ACOX3: variants seen among roughly 807,000 people sequenced by gnomAD.
The protein encoded by ACOX3 is peroxisomal acyl-coenzyme A oxidase 3.
Under a neutral mutation model 81.5 loss-of-function variants are expected in ACOX3, and 73 were observed. The ratio of observed to expected loss-of-function variants is 0.90; its 90% confidence interval spans 0.74 to 1.09. The LOEUF is 1.09. ACOX3 is among the 50% of genes least tolerant of loss of function. ACOX3 has a pLI of 0.00. For synonymous variants in ACOX3, 387 were observed against 375.1 expected (o/e 1.03, Z -0.37); for missense variants, 947 against 928.0 (o/e 1.02, Z -0.27).
chr4:8,410,481 C>G (rs1055543331), intron 5 of ACOX3, 126 bp from the exon 6 acceptor site: 2 of 1,287,912 alleles, frequency 1.6e-6, no homozygotes, highest in African/African-American at 1.5e-5. Flanking sequence ...TGAAACTAAT[C>G]GCACATTTTA....
rs1315143065 is a variant in ACOX3 at position 8,368,480 on chromosome 4, C to G, written c.1984-1400G>C. The stretch of plus-strand genomic sequence containing the variant: ...CCCATTTTATTGAGAAGAAACCCCT[C>G]TGCCTGCACCCGCTAAATGCACTTA... On this transcript the variant is annotated intron_variant, in intron 17 of 17. Transcript: ENST00000356406. The surrounding 1 kb of genome is among the most constrained non-coding windows in gnomAD (Gnocchi z 5.9). Among the ~76,000 whole-genome samples, 3 of 152,214 alleles carry G rather than the reference C, an allele frequency of 2.0e-5. No individual in the cohort carries two copies. The highest frequency in any genetic ancestry group is 2.0e-4 in the Admixed American group (3 of 15,292).
rs1160625685 is a variant in ACOX3 at position 8,406,694 on chromosome 4, CAGAG to C, written c.688-655_688-652del. Among the ~76,000 whole-genome samples, 1 of 150,526 alleles carries C rather than the reference CAGAG, an allele frequency of 6.6e-6. No homozygotes were observed. Among genetic ancestry groups the C allele is most frequent in the Non-Finnish European group, 1.5e-5 (1 of 67,440 alleles). Reference sequence around the variant, plus strand: ...GCCCTTCCCTGCCTGGCAGCTGAGGCAGAGAGAGAGAGAGGAGACAGAGAGAAAG... The same window carrying C: ...GCCCTTCCCTGCCTGGCAGCTGAGGCAGAGAGAGAGGAGACAGAGAGAAAG... On this transcript the variant is annotated intron_variant, in intron 6 of 17. Transcript: ENST00000356406. The surrounding 1 kb of genome is among the most constrained non-coding windows in gnomAD (Gnocchi z 5.6).
At chr4:8,426,564 C>T (rs1169125536) in intron 1 of ACOX3, among the ~76,000 whole-genome samples, 1 of 146,276 alleles carries the variant, frequency 6.8e-6, no homozygotes, top group Admixed American at 6.9e-5. Context: ...CACCTCACCC[C>T]CTCCATGCCG....
rs763341327 is a variant in ACOX3 at position 8,392,316 on chromosome 4, G to A, written c.1300+17C>T. On this transcript the variant is annotated intron_variant, in intron 11 of 17. Transcript: ENST00000356406. ...GGCTAAGGACAGGAAACCACCATGC[G>A]CTTCTCCAAAACCTACTGGCCAGAT... 1.0e-5 allele frequency: 16 copies of A among 1,531,788 alleles called. No individual in the cohort carries two copies. In the South Asian group the frequency reaches 1.1e-4, roughly 11 times the overall value. 94.9% of individuals were successfully genotyped at this position (1,531,788 alleles called of 1,614,324 possible). A position where few individuals can be genotyped will look rare whatever the true frequency, so the allele number is the denominator to read the frequency against.
At position 8,431,599 on chromosome 4, in the gene ACOX3, G is replaced by A. The variant is rs1723958629; in HGVS notation, c.-15+9049C>T. On this transcript the variant is annotated intron_variant, in intron 1 of 17. Coordinates refer to ENST00000356406, the MANE Select transcript of ACOX3 (RefSeq NM_003501.3). This position sits in a 1 kb window ranked among gnomAD's most constrained non-coding sequence, Gnocchi z 5.3. ...GAGCAAATTTGGGGAAAAAAATAAG[G>A]GAATTTGGCTTTATACATGTTTGTT... 6.6e-6 allele frequency among the ~76,000 whole-genome samples: 1 copy of A among 152,214 alleles called. No individual in the cohort carries two copies. Among genetic ancestry groups the A allele is most frequent in the Admixed American group, 6.5e-5 (1 of 15,286 alleles).
At chr4:8,413,257 C>T (rs2108969899) in intron 5 of ACOX3, among the ~76,000 whole-genome samples, 3 of 129,782 alleles carry the variant, frequency 2.3e-5, no homozygotes, top group Admixed American at 7.7e-5. Flanking sequence ...CTCCACCCCG[C>T]ACCCCTCCAC....
At chr4:8,396,441 C>G (rs567163341) in intron 9 of ACOX3, among the ~76,000 whole-genome samples, 36 of 152,318 alleles carry the variant, frequency 2.4e-4, no homozygotes, top group African/African-American at 8.4e-4. Context: ...CTTTGGGAGG[C>G]TGAGGCAGGT....
At chr4:8,410,065 C>G in intron 6 of ACOX3, 147 bp downstream of exon 6, 1 of 1,052,168 alleles carries the variant, frequency 9.5e-7, no homozygotes, top group East Asian at 2.7e-5. Flanking sequence ...CTATGGGATG[C>G]ACTGGGGTCC....
chr4:8,398,664 C>T (rs567976516), intron 8 of ACOX3, among the ~76,000 whole-genome samples: 13 of 152,212 alleles, frequency 8.5e-5, no homozygotes, highest in South Asian at 4.2e-4. Context: ...TTAGTAGAGA[C>T]GGGGTTTTGC....
At chr4:8,398,769 C>T (rs1016462308) in intron 8 of ACOX3, among the ~76,000 whole-genome samples, 14 of 152,216 alleles carry the variant, frequency 9.2e-5, no homozygotes, top group African/African-American at 3.1e-4. Flanking sequence ...AGCCACTGCA[C>T]CCAGCCTTCA....
At chr4:8,408,866 G>A (rs922363969) in intron 6 of ACOX3, among the ~76,000 whole-genome samples, 1 of 132,810 alleles carries the variant, frequency 7.5e-6, no homozygotes, top group East Asian at 2.6e-4. Flanking sequence ...GGGTTGGGGA[G>A]CTTCTTGTGG....
intron 16 of ACOX3, among the ~76,000 whole-genome samples, chr4:8,372,149 G>A (rs1055869444): frequency 9.9e-5 from 15 of 152,220 alleles, no homozygotes; most frequent in Non-Finnish European, 1.8e-4. Context: ...CCAGGCTGGA[G>A]TGTGATGGTG....
At chr4:8,393,990 T>A (rs780861622) in intron 10 of ACOX3, among the ~76,000 whole-genome samples, 45 of 152,212 alleles carry the variant, frequency 3.0e-4, no homozygotes, top group African/African-American at 1.1e-3. Context: ...CGATAATATT[T>A]CAAGATATGC....
intron 1 of ACOX3, among the ~76,000 whole-genome samples, chr4:8,434,498 G>A (rs1233707410): frequency 7.2e-5 from 11 of 152,264 alleles, no homozygotes; most frequent in Non-Finnish European, 1.5e-4. Flanking sequence ...CAGCTTGCGC[G>A]ATGCAGATCC....
intron 1 of ACOX3, among the ~76,000 whole-genome samples, chr4:8,427,914 G>C (rs1723658340): frequency 6.6e-6 from 1 of 152,118 alleles, no homozygotes; most frequent in South Asian, 2.1e-4. Context: ...TAGTGCCCAG[G>C]GTCTACTGTC....
intron 7 of ACOX3, among the ~76,000 whole-genome samples, chr4:8,401,545 G>A (rs1720376957): frequency 6.6e-6 from 1 of 152,154 alleles, no homozygotes; most frequent in African/African-American, 2.4e-5. Context: ...ATTTCCTGCA[G>A]CAACCATATT....
chr4:8,381,461 A>T lies in ACOX3; in HGVS notation c.1653+31T>A. The T allele has an allele frequency of 6.3e-7, 1 of 1,592,144 alleles. No homozygotes were observed. Among genetic ancestry groups the T allele is most frequent in the South Asian group, 1.1e-5 (1 of 90,310 alleles). ...GGCCAGGGAATTAAGAGCAAATAAT[A>T]CAAAAGGGAATTTTGAAAACAAATA... is the stretch of plus-strand genomic sequence containing the variant. On this transcript the variant is annotated intron_variant, in intron 14 of 17. Transcript: ENST00000356406. This position sits in a 1 kb window ranked among gnomAD's most constrained non-coding sequence, Gnocchi z 4.3.
chr4:8,390,122 A>G (rs1718809048), intron 11 of ACOX3, among the ~76,000 whole-genome samples: 1 of 151,196 alleles, frequency 6.6e-6, no homozygotes, highest in East Asian at 1.9e-4. Flanking sequence ...AACAACAAAA[A>G]AAGCCATGAG....
At chr4:8,377,597 A>T (rs1203025897) in intron 14 of ACOX3, among the ~76,000 whole-genome samples, 1 of 152,194 alleles carries the variant, frequency 6.6e-6, no homozygotes, top group Non-Finnish European at 1.5e-5. Context: ...ACTCAACGGC[A>T]TCTCAGTCCC....
Sources: gnomAD v4.1 joint callset for allele counts (sites outside exome capture counted in the v4.1 genomes callset) on GRCh38, gnomAD v4.1.1 for gene constraint, Gnocchi (gnomAD v3.1) non-coding constraint, MANE v1.5 for transcripts, NCBI Gene and HGNC (gene_info 2026-07-23, HGNC 2026-07-21) for gene names.